Variants in ZYG11B observed in about 807,000 individuals in gnomAD.
ZYG11B encodes protein zyg-11 homolog B.
A neutral mutation model predicts 82.4 loss-of-function variants in ZYG11B; 36 were observed. The observed-to-expected ratio is 0.44, with a 90% CI of 0.33 to 0.58. The LOEUF is 0.58. Among genes scored for constraint, ZYG11B ranks in the 20% least tolerant of loss-of-function variants. The pLI, the probability that ZYG11B is intolerant of heterozygous loss-of-function variation, is 0.02. For synonymous variants in ZYG11B, 303 were observed against 312.8 expected, an observed-to-expected ratio of 0.97 and a Z score of 0.33; for missense variants, 552 against 895.6, an observed-to-expected ratio of 0.62 and a Z score of 4.90.
At chr1:52,762,640 GC>G (rs1644641991) in intron 2 of ZYG11B, among the ~76,000 whole-genome samples, 1 of 151,880 alleles carries the variant, frequency 6.6e-6, no homozygotes, top group Non-Finnish European at 1.5e-5. Context: ...GAGTGCAGTG[GC>G]GCCGTTTCAG....
chr1:52,742,614 G>A (rs1020065284), intron 1 of ZYG11B, among the ~76,000 whole-genome samples: 4 of 152,174 alleles, frequency 2.6e-5, no homozygotes, highest in African/African-American at 7.2e-5. Flanking sequence ...AGGCGGAGGC[G>A]GGCGGATCAC....
intron 6 of ZYG11B, among the ~76,000 whole-genome samples, chr1:52,790,773 C>CTTTTTTTTTT: frequency 9.0e-5 from 7 of 77,690 alleles, no homozygotes; most frequent in Admixed American, 2.1e-4. Flanking sequence ...GTCCAGTGTT[C>CTTTTTTTTTT]TTTTTTTTTT....
intron 1 of ZYG11B, among the ~76,000 whole-genome samples, chr1:52,744,081 C>A (rs1445076174): frequency 6.6e-6 from 1 of 152,044 alleles, no homozygotes; most frequent in African/African-American, 2.4e-5. Context: ...GGACTACAGG[C>A]ACAAGCCACC....
At chr1:52,772,744 C>T (rs2149939414) in intron 3 of ZYG11B, 1 of 625,026 alleles carries the variant, frequency 1.6e-6, no homozygotes, top group African/African-American at 1.8e-5. Flanking sequence ...GTGGCGCTAT[C>T]TTGGCTCACT....
Position 52,821,801 on chromosome 1 carries a change from T to C in ZYG11B, c.*172T>C, listed in dbSNP as rs1645286552. On this transcript the variant is annotated 3_prime_UTR_variant, in exon 14 of 14. Coordinates refer to ENST00000294353, the MANE Select transcript of ZYG11B (RefSeq NM_024646.3). ...TGTGAACAGTCTCTAATTTGTCTTG[T>C]GATTTTAAACTTATGAGTCAAGAAG... 1 of 517,018 alleles carries C rather than the reference T, an allele frequency of 1.9e-6. No homozygotes were observed. The highest frequency in any genetic ancestry group is 6.3e-5 in the South Asian group (1 of 15,814). The allele number at this position is 517,018 out of a possible 1,614,324, so 32.0% of individuals were successfully genotyped here.
At chr1:52,776,230 AT>A (rs767688643) in intron 3 of ZYG11B, among the ~76,000 whole-genome samples, 15 of 33,112 alleles carry the variant, frequency 4.5e-4, no homozygotes, top group East Asian at 3.2e-3. Flanking sequence ...AAAAAAAAAA[AT>A]ATATATATAT....
In ZYG11B at chr1:52,726,591, C is replaced by A; in HGVS notation, c.-63C>A. ...TCGCCGGAGCCTCCTGGAGCCTCCG[C>A]GCCGGCTCAGCCTGGGGGCGGGCTC... On this transcript the variant is annotated 5_prime_UTR_variant, in exon 1 of 14. Transcript: ENST00000294353. 1 of 1,364,854 alleles carries A rather than the reference C, an allele frequency of 7.3e-7. No individual in the cohort carries two copies. The highest frequency in any genetic ancestry group is 9.4e-7 in the Non-Finnish European group (1 of 1,067,376). 84.5% of individuals were successfully genotyped at this position (1,364,854 alleles called of 1,614,324 possible).
At chr1:52,786,063 A>G (rs748074956) in intron 5 of ZYG11B, among the ~76,000 whole-genome samples, 1 of 152,228 alleles carries the variant, frequency 6.6e-6, no homozygotes, top group Non-Finnish European at 1.5e-5. Context: ...AGCCCAAAGA[A>G]AGTAGAAGGA....
Position 52,816,486 on chromosome 1 carries a change from G to A in ZYG11B, c.1947-46G>A, listed in dbSNP as rs373468165. 7.9e-5 allele frequency: 107 copies of A among 1,346,582 alleles called. No individual in the cohort carries two copies. The African/African-American group carries it at 1.1e-3, about 14-fold the overall frequency. 83.4% of individuals were successfully genotyped at this position (1,346,582 alleles called of 1,614,324 possible). On this transcript the variant is annotated intron_variant, in intron 12 of 13. Transcript: ENST00000294353. ...AGGAATCACTGCTTTAGGAAATTAC[G>A]CTAAATATGGGATGTAACTTTGATT...
At chr1:52,741,691 G>A (rs535271163) in intron 1 of ZYG11B, among the ~76,000 whole-genome samples, 2 of 152,248 alleles carry the variant, frequency 1.3e-5, no homozygotes, top group African/African-American at 4.8e-5. Context: ...CTATGCAGCT[G>A]ATATTCTGTG....
chr1:52,774,619 T>TTTTTC (rs1553260141), intron 3 of ZYG11B, among the ~76,000 whole-genome samples: 1 of 76,134 alleles, frequency 1.3e-5, no homozygotes, highest in African/African-American at 3.1e-5. Context: ...ATTTTTTTTT[T>TTTTTC]TTTTTTTTTT....
At chr1:52,726,809 T>G (rs1644288198) in intron 1 of ZYG11B, 126 bp downstream of exon 1, 5 of 914,786 alleles carry the variant, frequency 5.5e-6, no homozygotes, top group Non-Finnish European at 7.4e-6. Context: ...CCTTTACCTC[T>G]CTCCCTCGTT....
At chr1:52,770,972 A>G (rs769724429) in intron 2 of ZYG11B, 48 bp from the exon 3 acceptor site, 9 of 1,551,140 alleles carry the variant, frequency 5.8e-6, no homozygotes, top group Middle Eastern at 1.8e-4. Context: ...AATTTTGGCT[A>G]TTCTTTAACT....
At chr1:52,779,288 T>C (rs985270696) in intron 3 of ZYG11B, among the ~76,000 whole-genome samples, 1 of 152,132 alleles carries the variant, frequency 6.6e-6, no homozygotes, top group Non-Finnish European at 1.5e-5. Context: ...ATAATAGTGT[T>C]AAATATCTTG....
chr1:52,732,469 T>C (rs562223804), intron 1 of ZYG11B, among the ~76,000 whole-genome samples: 1 of 152,242 alleles, frequency 6.6e-6, no homozygotes, highest in East Asian at 1.9e-4. Flanking sequence ...AATTCTAAAT[T>C]AATAATTTGG....
chr1:52,786,818 T>C (rs1294684625), intron 5 of ZYG11B, among the ~76,000 whole-genome samples: 1 of 150,958 alleles, frequency 6.6e-6, no homozygotes, highest in Non-Finnish European at 1.5e-5. Context: ...GAGCCGGGCG[T>C]TGTGGCTCAC....
intron 1 of ZYG11B, among the ~76,000 whole-genome samples, chr1:52,738,984 C>CTTTTTTTTTT (rs1644400249): frequency 3.4e-5 from 2 of 58,154 alleles, no homozygotes; most frequent in African/African-American, 1.3e-4. Flanking sequence ...GGCCCTGTAA[C>CTTTTTTTTTT]CTTTTTTTTT....
chr1:52,809,483 G>T (rs563312990), intron 10 of ZYG11B, among the ~76,000 whole-genome samples: 2 of 151,992 alleles, frequency 1.3e-5, no homozygotes, highest in African/African-American at 4.8e-5. Flanking sequence ...CACCGCGCCC[G>T]GCCACAAATA....
rs116040287 is a variant in ZYG11B at position 52,748,660 on chromosome 1, C to T, written c.31-7798C>T. ...GGCAGATCACCTGAGTTCAGGAATT[C>T]GAGAGTAGCCTGGCCAACATGGTGA... On this transcript the variant is annotated intron_variant, in intron 1 of 13. Transcript: ENST00000294353. Among the ~76,000 whole-genome samples the T allele has an allele frequency of 7.5e-3, 1,139 of 152,090 alleles. 16 individuals carry two copies. Among genetic ancestry groups the T allele is most frequent in the African/African-American group, 0.026 (1,092 of 41,484 alleles).
Sources: allele counts gnomAD v4.1 joint callset (sites outside exome capture counted in the v4.1 genomes callset), GRCh38; gene constraint gnomAD v4.1.1; transcripts MANE v1.5; gene names NCBI Gene and HGNC (gene_info 2026-07-23, HGNC 2026-07-21).